Variants in ICA1L observed in about 807,000 individuals in gnomAD.
ICA1L encodes islet cell autoantigen 1 like.
In ICA1L, 50 loss-of-function variants were observed where a neutral mutation model predicts 61.3. The ratio of observed to expected loss-of-function variants is 0.82; its 90% confidence interval spans 0.65 to 1.03. The LOEUF is 1.03. Ranked by LOEUF, ICA1L falls within the 50% of genes least tolerant of loss-of-function variation. The pLI is 0.00. For synonymous variants in ICA1L, 161 were observed against 191.3 expected (o/e 0.84, Z 1.31); for missense variants, 508 against 556.7 (o/e 0.91, Z 0.88).
intron 1 of ICA1L, among the ~76,000 whole-genome samples, chr2:202,863,103 C>A (rs1694965852): frequency 1.3e-5 from 2 of 151,772 alleles, no homozygotes; most frequent in Non-Finnish European, 2.9e-5. Flanking sequence ...ACCAGCCTGG[C>A]CAACATGGTG....
At chr2:202,856,944 A>T (rs1450736619) in intron 1 of ICA1L, among the ~76,000 whole-genome samples, 1 of 152,208 alleles carries the variant, frequency 6.6e-6, no homozygotes, top group Non-Finnish European at 1.5e-5. Flanking sequence ...GCACCTCTTC[A>T]AGGAGAACTA....
Position 202,815,909 on chromosome 2 carries a change from A to C in ICA1L, c.783+2T>G. ...AACAAGAGAACATGGAACACAATGTACCTTGAGAGCTACAAAATCATACGG... is the reference window on the plus strand; with the variant it reads ...AACAAGAGAACATGGAACACAATGTCCCTTGAGAGCTACAAAATCATACGG... On this transcript the variant is annotated splice_donor_variant, in intron 7 of 12. Transcript: ENST00000358299. LOFTEE classifies it high-confidence loss of function. 1.3e-6 allele frequency: 2 copies of C among 1,561,096 alleles called. No homozygotes were observed. Among genetic ancestry groups the C allele is most frequent in the Non-Finnish European group, 1.7e-6 (2 of 1,148,544 alleles).
intron 1 of ICA1L, among the ~76,000 whole-genome samples, chr2:202,837,318 C>T (rs948741096): frequency 2.0e-5 from 3 of 150,442 alleles, no homozygotes; most frequent in Admixed American, 6.6e-5. Context: ...GACAGAGTCT[C>T]TGTCACCCAA....
intron 1 of ICA1L, chr2:202,841,037 C>A: frequency 1.5e-6 from 1 of 658,382 alleles, no homozygotes; most frequent in South Asian, 1.4e-5. Context: ...GGCTGTTGTT[C>A]ATGCACAGCA....
chr2:202,788,787 ATAAAG>A (rs1163241212), intron 11 of ICA1L, 38 bp downstream of exon 11: 21 of 1,605,228 alleles, frequency 1.3e-5, no homozygotes, highest in Middle Eastern at 1.6e-4. Flanking sequence ...CTTCACAAAG[ATAAAG>A]TAAAGCACAT....
chr2:202,825,890 T>C, intron 2 of ICA1L, 123 bp from the exon 3 acceptor site: 1 of 553,384 alleles, frequency 1.8e-6, no homozygotes, highest in Admixed American at 3.8e-5. Flanking sequence ...TTATGTCTAT[T>C]TTTCTTGGCT....
intron 1 of ICA1L, among the ~76,000 whole-genome samples, chr2:202,863,291 C>T (rs1694971498): frequency 1.3e-5 from 2 of 151,258 alleles, no homozygotes; most frequent in East Asian, 3.9e-4. Context: ...GACTCCATCT[C>T]AATAAAAAAA....
intron 1 of ICA1L, chr2:202,840,591 C>T: frequency 7.1e-6 from 4 of 567,026 alleles, no homozygotes; most frequent in Admixed American, 1.9e-5. Flanking sequence ...TGGCTCTCCT[C>T]GCCCTCCAGC....
intron 1 of ICA1L, among the ~76,000 whole-genome samples, chr2:202,834,452 G>C (rs1284381985): frequency 2.6e-5 from 4 of 152,102 alleles, no homozygotes; most frequent in Admixed American, 2.0e-4. Context: ...AACATGGCAA[G>C]ATCCTTTCTC....
intron 1 of ICA1L, among the ~76,000 whole-genome samples, chr2:202,834,600 C>G (rs1694097038): frequency 6.6e-6 from 1 of 152,072 alleles, no homozygotes; most frequent in African/African-American, 2.4e-5. Context: ...TGCACTCTAG[C>G]CTGGGTGACA....
chr2:202,823,874 A>G (rs1218581652), intron 3 of ICA1L, among the ~76,000 whole-genome samples: 1 of 152,166 alleles, frequency 6.6e-6, no homozygotes. Context: ...TGTTTCTCCA[A>G]CTACTTCCTT....
chr2:202,821,631 G>A (rs1315006535), intron 3 of ICA1L, 150 bp from the exon 4 acceptor site: 2 of 531,654 alleles, frequency 3.8e-6, no homozygotes, highest in Non-Finnish European at 6.3e-6. Context: ...TGCAATTCCT[G>A]GGCTCCATTT....
Position 202,785,891 on chromosome 2 carries a change from TAAAG to T in ICA1L, c.1333+23_1333+26del, listed in dbSNP as rs775233066. On this transcript the variant is annotated intron_variant, in intron 12 of 12. Coordinates refer to ENST00000358299, the MANE Select transcript of ICA1L (RefSeq NM_001288622.3). ...ATTCAACTGATTCTTAAAGCAATGA[TAAAG>T]AATATATAAATAAATAACTTACATC... 4.1e-6 allele frequency: 5 copies of T among 1,230,858 alleles called. No individual in the cohort carries two copies. In the Admixed American group the frequency reaches 7.7e-5, roughly 19 times the overall value. 76.2% of individuals were successfully genotyped at this position (1,230,858 alleles called of 1,614,324 possible).
chr2:202,795,018 AGG>A (rs1491565746), intron 10 of ICA1L, among the ~76,000 whole-genome samples: 9 of 147,644 alleles, frequency 6.1e-5, no homozygotes, highest in African/African-American at 2.0e-4. Context: ...TAAAAAAAAA[AGG>A]AGGGGGGATT....
chr2:202,815,447 T>TGAA lies in ICA1L; in HGVS notation c.783+463_783+464insTTC, dbSNP rs1469048036. Among the ~76,000 whole-genome samples, 3 of 152,276 alleles carry TGAA rather than the reference T, an allele frequency of 2.0e-5. No individual in the cohort carries two copies. In the East Asian group the frequency reaches 5.8e-4, roughly 29 times the overall value. ...ATAATGTTGGTTATCATGAACCATA[T>TGAA]CCATGACATCAGTGTAAAAGTAAAA... On this transcript the variant is annotated intron_variant, in intron 7 of 12. Transcript: ENST00000358299.
At position 202,785,797 on chromosome 2, in the gene ICA1L, C is replaced by A. The variant is rs925282148; in HGVS notation, c.1333+121G>T. 9.1e-6 allele frequency: 5 copies of A among 547,258 alleles called. No individual in the cohort carries two copies. The South Asian group carries it at 1.2e-4, about 13-fold the overall frequency. The allele number at this position is 547,258 out of a possible 1,614,324, so 33.9% of individuals were successfully genotyped here. ...GTATAGCTTTCATTTTAATAATAAT[C>A]ATTATTAAACTTTTTCAGGACAATG... On this transcript the variant is annotated intron_variant, in intron 12 of 12. Coordinates refer to ENST00000358299, the MANE Select transcript of ICA1L (RefSeq NM_001288622.3).
Position 202,814,770 on chromosome 2 carries a change from C to T in ICA1L, c.798G>A (p.Thr266=), listed in dbSNP as rs753285763. The T allele has an allele frequency of 3.0e-5, 48 of 1,612,932 alleles. No individual in the cohort carries two copies. Among genetic ancestry groups the T allele is most frequent in the Middle Eastern group, 1.7e-4 (1 of 6,056 alleles). The part of the protein sequence containing the change: ...DFVALKQLQD[T]PSKISEDNKD... ...TATTGTCTTCACTAATCTTGCTTGG[C>T]GTGTCTTGTAGTTGCTAAAGATAAG... Residue 266 remains threonine, a synonymous_variant, in exon 8 of 13, where the codon ACG becomes ACA. Transcript: ENST00000358299.
chr2:202,839,776 T>C (rs114952994), intron 1 of ICA1L, among the ~76,000 whole-genome samples: 169 of 152,232 alleles, frequency 1.1e-3, no homozygotes, highest in Non-Finnish European at 1.9e-3. Context: ...CTTTTTTCCT[T>C]TCATGCCTTC....
rs545506817 is a variant in ICA1L at position 202,843,583 on chromosome 2, C to T, written c.-7-14567G>A. ...ATAATCACAGAACTCAGGCCTGATG[C>T]ACAAATGTGTGGAGGTACTGCAGTT... is the stretch of plus-strand genomic sequence containing the variant. On this transcript the variant is annotated intron_variant, in intron 1 of 12. Transcript: ENST00000358299. 2.2e-4 allele frequency among the ~76,000 whole-genome samples: 33 copies of T among 152,236 alleles called. No homozygotes were observed. The South Asian group carries it at 6.8e-3, about 32-fold the overall frequency.
Sources: gnomAD v4.1 joint callset for allele counts (sites outside exome capture counted in the v4.1 genomes callset) on GRCh38, gnomAD v4.1.1 for gene constraint, MANE v1.5 for transcripts, NCBI Gene and HGNC (gene_info 2026-07-23, HGNC 2026-07-21) for gene names.